CFAP46: variants seen among roughly 807,000 people sequenced by gnomAD.
The protein encoded by CFAP46 is cilia and flagella associated protein 46.
Under a neutral mutation model 325.7 loss-of-function variants are expected in CFAP46, and 245 were observed. The observed-to-expected ratio is 0.75, with a 90% CI of 0.68 to 0.84. The LOEUF is 0.84. CFAP46 is among the 40% of genes least tolerant of loss of function. The pLI is 0.00. For missense variants in CFAP46, 3,346 were observed against 3,543.0 expected (o/e 0.94, Z 1.41); for synonymous variants, 1,523 against 1,495.9 (o/e 1.02, Z -0.42).
intron 10 of CFAP46, among the ~76,000 whole-genome samples, chr10:132,925,360 C>A (rs1391728621): frequency 6.6e-6 from 1 of 152,282 alleles, no homozygotes; most frequent in African/African-American, 2.4e-5. Context: ...GCCACGTCCC[C>A]ACAGCCTGTG....
At chr10:132,941,270 G>A (rs1850096655) in intron 3 of CFAP46, among the ~76,000 whole-genome samples, 2 of 152,184 alleles carry the variant, frequency 1.3e-5, no homozygotes, top group African/African-American at 4.8e-5. Flanking sequence ...ACACAGCGAG[G>A]CAGCAGAAAC....
intron 50 of CFAP46, among the ~76,000 whole-genome samples, chr10:132,829,856 T>G (rs1848120616): frequency 6.6e-6 from 1 of 152,274 alleles, no homozygotes; most frequent in Admixed American, 6.5e-5. Flanking sequence ...TTAATTACCC[T>G]TGTATTTCTG....
At chr10:132,836,453 G>A (rs1259195426) in intron 45 of CFAP46, among the ~76,000 whole-genome samples, 3 of 152,208 alleles carry the variant, frequency 2.0e-5, no homozygotes, top group Non-Finnish European at 4.4e-5. Flanking sequence ...CGGCCAGTGA[G>A]TTCTGTGGTC....
intron 31 of CFAP46, among the ~76,000 whole-genome samples, chr10:132,875,371 G>A (rs1848944483): frequency 6.6e-6 from 1 of 152,226 alleles, no homozygotes; most frequent in African/African-American, 2.4e-5. Flanking sequence ...CAGGGTTTGT[G>A]ATGGGTCTGA....
chr10:132,936,573 C>A (rs542590522), intron 7 of CFAP46, among the ~76,000 whole-genome samples: 4 of 146,338 alleles, frequency 2.7e-5, no homozygotes, highest in African/African-American at 1.0e-4. Context: ...GATCTCCTCA[C>A]TCCCCTCTGC....
chr10:132,820,474 G>C (rs1565034455), intron 50 of CFAP46, among the ~76,000 whole-genome samples: 1 of 150,188 alleles, frequency 6.7e-6, no homozygotes. Flanking sequence ...GATGTGTGCT[G>C]TGAGTGCTGA....
At chr10:132,836,007 CTCCCCCTCTCGCCCCG>C in intron 46 of CFAP46, 119 bp downstream of exon 46, 1 of 70,942 alleles carries the variant, frequency 1.4e-5, no homozygotes, top group Admixed American at 1.4e-4. Context: ...CCCTGCTCCC[CTCCCCCTCTCGCCCCG>C]CTCCCCCTCC....
intron 25 of CFAP46, among the ~76,000 whole-genome samples, chr10:132,887,393 C>G (rs1372107199): frequency 9.1e-6 from 1 of 109,470 alleles, no homozygotes. Context: ...TCTCTCCTCT[C>G]TCGCTTCTCT....
At chr10:132,826,578 C>T (rs371223983) in intron 50 of CFAP46, among the ~76,000 whole-genome samples, 144 of 128,790 alleles carry the variant, frequency 1.1e-3, no homozygotes, top group Middle Eastern at 4.3e-3. Flanking sequence ...AGACCAGCCA[C>T]GGAGCCAGGG....
intron 50 of CFAP46, among the ~76,000 whole-genome samples, chr10:132,822,491 GTGC>G (rs1183011161): frequency 1.5e-5 from 2 of 133,258 alleles, no homozygotes; most frequent in African/African-American, 2.9e-5. Context: ...TGTGCTGTGT[GTGC>G]TGATGTGTGC....
At chr10:132,918,835 C>T (rs1314214128) in intron 15 of CFAP46, among the ~76,000 whole-genome samples, 1 of 152,214 alleles carries the variant, frequency 6.6e-6, no homozygotes, top group Non-Finnish European at 1.5e-5. Flanking sequence ...GGGGTGCCCT[C>T]CCTGACTCCT....
Position 132,834,053 on chromosome 10 carries a change from T to C in CFAP46, c.6937A>G (p.Thr2313Ala). The C allele has an allele frequency of 1.2e-6, 2 of 1,614,072 alleles. No individual in the cohort carries two copies. Among genetic ancestry groups the C allele is most frequent in the Non-Finnish European group, 1.7e-6 (2 of 1,179,950 alleles). The part of the protein sequence containing the change: ...KGKDKERKTS[T>A]GQHSTVQPEV... The stretch of plus-strand genomic sequence containing the variant: ...CCGCCCCACTCACTGTGTTGTCCTG[T>C]GGACGTTTTCCTCTCCTTGTCTTTG... The change falls in exon 49 of 58, where the codon ACA becomes GCA. Residue 2313 changes from threonine (T) to alanine (A), a missense_variant. Transcript: ENST00000368586.
At chr10:132,872,928 T>G in intron 31 of CFAP46, 104 bp from the exon 32 acceptor site, 4 of 1,290,580 alleles carry the variant, frequency 3.1e-6, no homozygotes, top group Non-Finnish European at 4.3e-6. Context: ...TGCCAGCACA[T>G]GTCTGCACAC....
chr10:132,813,822 C>T (rs552524270), intron 54 of CFAP46, among the ~76,000 whole-genome samples: 124 of 152,324 alleles, frequency 8.1e-4, no homozygotes, highest in African/African-American at 2.6e-3. Flanking sequence ...CTCTGGACCA[C>T]GGAACCCCAA....
chr10:132,810,587 T>C, intron 56 of CFAP46, 98 bp from the exon 57 acceptor site: 3 of 1,077,102 alleles, frequency 2.8e-6, no homozygotes, highest in Non-Finnish European at 4.3e-6. Flanking sequence ...CCACGCACTT[T>C]CCCATAAGAC....
In CFAP46 at chr10:132,860,857, C is replaced by CT; in HGVS notation, c.5015dup (p.Glu1673GlyfsTer77). The CT allele has an allele frequency of 6.4e-7, 1 of 1,551,032 alleles. No individual in the cohort carries two copies. The highest frequency in any genetic ancestry group is 2.4e-5 in the East Asian group (1 of 40,926). ...TCAGAGTGGAATTGTACCAGAACTCCTCACTTCCGCCCAGGTGCTGGGCCT... is the reference window on the plus strand; with the variant it reads ...TCAGAGTGGAATTGTACCAGAACTCCTTCACTTCCGCCCAGGTGCTGGGCCT... On this transcript the variant is annotated frameshift_variant, in exon 36 of 58. Transcript: ENST00000368586. LOFTEE classifies it high-confidence loss of function.
chr10:132,873,681 T>C (rs548617746), intron 31 of CFAP46, among the ~76,000 whole-genome samples: 3 of 151,608 alleles, frequency 2.0e-5, no homozygotes, highest in African/African-American at 7.3e-5. Context: ...GAGGAGGCCG[T>C]CCCCTCAGGG....
chr10:132,866,421 C>T (rs1461873030), intron 34 of CFAP46, among the ~76,000 whole-genome samples: 2 of 152,210 alleles, frequency 1.3e-5, no homozygotes, highest in Non-Finnish European at 2.9e-5. Context: ...TCACGAATCC[C>T]CTTGAAGCCA....
intron 24 of CFAP46, among the ~76,000 whole-genome samples, chr10:132,894,780 T>G (rs1849298890): frequency 6.6e-6 from 1 of 152,004 alleles, no homozygotes; most frequent in Non-Finnish European, 1.5e-5. Flanking sequence ...ATAGAAAATC[T>G]CAACAGACTT....
Sources: allele counts gnomAD v4.1 joint callset (sites outside exome capture counted in the v4.1 genomes callset), GRCh38; gene constraint gnomAD v4.1.1; transcripts MANE v1.5; gene names NCBI Gene and HGNC (gene_info 2026-07-23, HGNC 2026-07-21).